The following GRIK2 variants were observed in gnomAD, a reference collection of about 807,000 sequenced individuals.
GRIK2 encodes glutamate receptor ionotropic, kainate 2.
A neutral mutation model predicts 100.3 loss-of-function variants in GRIK2; 32 were observed. That is an observed-to-expected ratio of 0.32 (90% CI 0.24 to 0.43). The LOEUF (loss-of-function observed/expected upper bound fraction) is 0.43, where lower values mean the gene tolerates loss of function less well. Among genes scored for constraint, GRIK2 ranks in the 20% least tolerant of loss-of-function variants. GRIK2 has a pLI of 1.00. For synonymous variants in GRIK2, 417 were observed against 389.4 expected, an observed-to-expected ratio of 1.07 and a Z score of -0.83; for missense variants, 843 against 1,114.9, an observed-to-expected ratio of 0.76 and a Z score of 3.47.
chr6:102,028,275 A>T (rs564776812), intron 14 of GRIK2, among the ~76,000 whole-genome samples: 5 of 151,306 alleles, frequency 3.3e-5, no homozygotes, highest in African/African-American at 1.2e-4. Flanking sequence ...TTTAAAGTTT[A>T]TTTTTGACAA....
chr6:101,692,039 C>CAAAAAA (rs60210939), intron 7 of GRIK2, among the ~76,000 whole-genome samples: 1 of 78,376 alleles, frequency 1.3e-5, no homozygotes, highest in Non-Finnish European at 2.5e-5. Flanking sequence ...CACCCCGTCT[C>CAAAAAA]AAAAAAAAAA....
chr6:101,754,779 A>G (rs1777020374), intron 7 of GRIK2, among the ~76,000 whole-genome samples: 1 of 152,228 alleles, frequency 6.6e-6, no homozygotes, highest in Admixed American at 6.5e-5. Flanking sequence ...TGATCCAGAT[A>G]GCAGAAACGA....
intron 7 of GRIK2, among the ~76,000 whole-genome samples, chr6:101,783,275 T>C (rs1451597532): frequency 6.6e-6 from 1 of 151,572 alleles, no homozygotes; most frequent in Non-Finnish European, 1.5e-5. Context: ...GGAGTTCTCA[T>C]GAGATCTGAT....
chr6:102,003,823 A>T (rs1795071242), intron 14 of GRIK2, among the ~76,000 whole-genome samples: 2 of 151,824 alleles, frequency 1.3e-5, no homozygotes, highest in African/African-American at 4.8e-5. Flanking sequence ...TTTTAAGAGA[A>T]TTCAGAACTT....
chr6:101,520,168 C>T (rs1020566432), intron 2 of GRIK2, among the ~76,000 whole-genome samples: 8 of 97,346 alleles, frequency 8.2e-5, no homozygotes, highest in Admixed American at 6.7e-4. Context: ...GATAAATCTT[C>T]TTTTTATTAT....
At position 101,712,601 on chromosome 6, in the gene GRIK2, T is replaced by C. The variant is rs1288672154; in HGVS notation, c.951+26248T>C. ...TTTTCTAATAAGGTATTGATTTTTGTTACAGATAAAGATTTAAAACTATCC... is the reference window on the plus strand; with the variant it reads ...TTTTCTAATAAGGTATTGATTTTTGCTACAGATAAAGATTTAAAACTATCC... On this transcript the variant is annotated intron_variant, in intron 7 of 16. Coordinates refer to ENST00000369134, the MANE Select transcript of GRIK2 (RefSeq NM_021956.5). Among the ~76,000 whole-genome samples, 2 of 151,794 alleles carry C rather than the reference T, an allele frequency of 1.3e-5. 1 individual carries two copies. Among genetic ancestry groups the C allele is most frequent in the African/African-American group, 4.8e-5 (2 of 41,380 alleles).
chr6:101,811,907 G>T (rs991549742), intron 9 of GRIK2, among the ~76,000 whole-genome samples: 1 of 151,364 alleles, frequency 6.6e-6, no homozygotes, highest in Non-Finnish European at 1.5e-5. Flanking sequence ...GAAAACTGTT[G>T]TTTTCTACCT....
chr6:101,736,670 T>A (rs6930389), intron 7 of GRIK2, among the ~76,000 whole-genome samples: 2,824 of 152,264 alleles, frequency 0.019, 81 homozygotes, highest in African/African-American at 0.063. Flanking sequence ...AACCAGTTTT[T>A]CTTCCTAGGC....
At chr6:101,592,623 ATT>A (rs1778723412) in intron 2 of GRIK2, among the ~76,000 whole-genome samples, 1 of 121,970 alleles carries the variant, frequency 8.2e-6, no homozygotes, top group Non-Finnish European at 1.7e-5. Context: ...ATATATATAT[ATT>A]GCTTTTTCAC....
At chr6:101,628,163 T>C (rs1197063889) in intron 4 of GRIK2, among the ~76,000 whole-genome samples, 1 of 152,094 alleles carries the variant, frequency 6.6e-6, no homozygotes, top group Non-Finnish European at 1.5e-5. Context: ...GCATGCAGTA[T>C]ATAGAACTCT....
At chr6:101,955,503 A>G (rs189061994) in intron 14 of GRIK2, among the ~76,000 whole-genome samples, 2 of 151,632 alleles carry the variant, frequency 1.3e-5, no homozygotes, top group African/African-American at 2.4e-5. Flanking sequence ...AAAGAGAAAC[A>G]AAAAAAAGCA....
intron 14 of GRIK2, among the ~76,000 whole-genome samples, chr6:102,001,427 A>G (rs1289901433): frequency 3.3e-5 from 5 of 150,776 alleles, no homozygotes; most frequent in East Asian, 2.0e-4. Context: ...TCATTGCTCA[A>G]CTCCCGCTTA....
At chr6:101,475,893 T>C (rs1582532999) in intron 2 of GRIK2, among the ~76,000 whole-genome samples, 1 of 151,996 alleles carries the variant, frequency 6.6e-6, no homozygotes, top group African/African-American at 2.4e-5. Context: ...AGTAGTTGAA[T>C]ATTAGAGGAG....
intron 7 of GRIK2, among the ~76,000 whole-genome samples, chr6:101,702,815 G>C (rs1471872321): frequency 6.6e-6 from 1 of 151,842 alleles, no homozygotes; most frequent in Non-Finnish European, 1.5e-5. Context: ...GATCAGAAAA[G>C]CATCCTAGGC....
At chr6:101,823,199 G>A (rs1782072217) in intron 10 of GRIK2, among the ~76,000 whole-genome samples, 1 of 151,994 alleles carries the variant, frequency 6.6e-6, no homozygotes, top group Non-Finnish European at 1.5e-5. Context: ...GACGGTATAG[G>A]AGCTCACTTC....
In GRIK2 at chr6:101,848,072, C is replaced by A. The variant is rs2791832; in HGVS notation, c.1318-11215C>A. On this transcript the variant is annotated intron_variant, in intron 10 of 16. Coordinates refer to ENST00000369134, the MANE Select transcript of GRIK2 (RefSeq NM_021956.5). ...ACACAGGTTAAAATACGTAACAATT[C>A]TGTAAGAATAAGGTCCATATGGTTT... Among the ~76,000 whole-genome samples, 31 of 151,874 alleles carry A rather than the reference C, an allele frequency of 2.0e-4. 1 individual carries two copies. The highest frequency in any genetic ancestry group is 5.9e-5 in the Non-Finnish European group (4 of 67,990).
At chr6:101,464,543 A>T (rs1771530155) in intron 2 of GRIK2, among the ~76,000 whole-genome samples, 1 of 95,008 alleles carries the variant, frequency 1.1e-5, no homozygotes, top group Admixed American at 1.8e-4. Context: ...TTTGAGACAG[A>T]GTCTCACTCT....
intron 7 of GRIK2, among the ~76,000 whole-genome samples, chr6:101,732,184 A>G (rs986574570): frequency 3.3e-5 from 5 of 152,028 alleles, no homozygotes; most frequent in Admixed American, 2.0e-4. Context: ...AATATTTCAC[A>G]TAATCTAATC....
chr6:101,919,217 A>G (rs1158431377), intron 12 of GRIK2, among the ~76,000 whole-genome samples: 2 of 151,806 alleles, frequency 1.3e-5, no homozygotes, highest in African/African-American at 2.4e-5. Flanking sequence ...TAATATGAGG[A>G]TAGTTTTACA....
Sources: allele counts gnomAD v4.1 joint callset (sites outside exome capture counted in the v4.1 genomes callset), GRCh38; gene constraint gnomAD v4.1.1; transcripts MANE v1.5; gene names NCBI Gene and HGNC (gene_info 2026-07-23, HGNC 2026-07-21).